TNKS: variants seen among roughly 807,000 people sequenced by gnomAD.
TNKS encodes tankyrase.
A neutral mutation model predicts 135.8 loss-of-function variants in TNKS; 72 were observed. The observed-to-expected ratio is 0.53, with a 90% CI of 0.44 to 0.64. The LOEUF is 0.64. Ranked by LOEUF, TNKS falls within the 30% of genes least tolerant of loss-of-function variation. The probability of loss-of-function intolerance (pLI) is 0.00; values close to 1 mark genes in which losing one functional copy is unlikely to be tolerated. For missense variants in TNKS, 1,769 were observed against 1,674.0 expected (o/e 1.06, Z -0.99); for synonymous variants, 849 against 649.3 (o/e 1.31, Z -4.68).
chr8:9,593,121 G>T (rs1008196974), intron 2 of TNKS, among the ~76,000 whole-genome samples: 1 of 152,146 alleles, frequency 6.6e-6, no homozygotes, highest in Non-Finnish European at 1.5e-5. Context: ...GAGGTAGGGA[G>T]GGATAAGAAA....
rs148724125 is a variant in TNKS, at chr8:9,615,539, T to G, written c.899-43T>G. On this transcript the variant is annotated intron_variant, in intron 2 of 26. Coordinates refer to ENST00000310430, the MANE Select transcript of TNKS (RefSeq NM_003747.3). ...ACGACACTTACCAGTAAATAATCTC[T>G]GTATCCCCGAGGTAAGATACTGTTT... The G allele has an allele frequency of 9.9e-6, 15 of 1,521,564 alleles. No individual in the cohort carries two copies. The East Asian group carries it at 3.5e-4, about 35-fold the overall frequency. 94.3% of individuals were successfully genotyped at this position (1,521,564 alleles called of 1,614,324 possible).
chr8:9,658,952 A>G (rs1801561817), intron 3 of TNKS, among the ~76,000 whole-genome samples: 1 of 152,242 alleles, frequency 6.6e-6, no homozygotes, highest in Non-Finnish European at 1.5e-5. Flanking sequence ...TGGATAAAAC[A>G]GACTTTAAAC....
At chr8:9,653,195 C>T (rs571839590) in intron 3 of TNKS, among the ~76,000 whole-genome samples, 1 of 152,284 alleles carries the variant, frequency 6.6e-6, no homozygotes, top group East Asian at 1.9e-4. Flanking sequence ...TTTAAACATG[C>T]ATGAATCAAA....
intron 20 of TNKS, among the ~76,000 whole-genome samples, chr8:9,760,522 T>A (rs542024921): frequency 6.6e-6 from 1 of 152,338 alleles, no homozygotes; most frequent in South Asian, 2.1e-4. Context: ...GGAAACTGCA[T>A]GTCTATAAAA....
At chr8:9,662,368 G>A (rs1452882937) in intron 3 of TNKS, among the ~76,000 whole-genome samples, 1 of 152,174 alleles carries the variant, frequency 6.6e-6, no homozygotes, top group Non-Finnish European at 1.5e-5. Context: ...ACGATAGACT[G>A]GATTAAGAAA....
At position 9,680,747 on chromosome 8, in the gene TNKS, A is replaced by G; in HGVS notation, c.1054A>G (p.Met352Val). The G allele has an allele frequency of 6.2e-7, 1 of 1,612,488 alleles. No individual in the cohort carries two copies. The highest frequency in any genetic ancestry group is 8.5e-7 in the Non-Finnish European group (1 of 1,179,022). Residue 352 changes from methionine (M) to valine (V), a missense_variant, in exon 5 of 27, where the codon ATG becomes GTG. This residue lies in a region of TNKS where 523 missense variants were observed against 541.0 expected (regional missense o/e 0.97). Transcript: ENST00000310430. ...TAGGAGTGGTAATGAAGAAAAACTA[A>G]TGGCTTTACTGACTCCTCTAAATGT... ...AARSGNEEKLMALLTPLNVNC... is the reference protein window; with the variant it reads ...AARSGNEEKLVALLTPLNVNC...
chr8:9,748,012 C>T lies in TNKS; in HGVS notation c.2644-12C>T. The T allele has an allele frequency of 1.9e-6, 3 of 1,593,764 alleles. No homozygotes were observed. Among genetic ancestry groups the T allele is most frequent in the Non-Finnish European group, 2.6e-6 (3 of 1,168,910 alleles). On this transcript the variant is annotated splice_polypyrimidine_tract_variant and intron_variant, in intron 17 of 26. Transcript: ENST00000310430. ...CATTCTTAACTCTTTGTATCCTTTT[C>T]TTTTTTTTCAGCATGTTGACATAGC... is the stretch of plus-strand genomic sequence containing the variant.
intron 1 of TNKS, among the ~76,000 whole-genome samples, chr8:9,568,382 C>T (rs1174425369): frequency 1.3e-5 from 2 of 152,088 alleles, no homozygotes; most frequent in Non-Finnish European, 2.9e-5. Flanking sequence ...TGCAGTGTTT[C>T]TCAAACTTTT....
At chr8:9,714,692 C>G (rs1205759051) in intron 11 of TNKS, among the ~76,000 whole-genome samples, 1 of 152,120 alleles carries the variant, frequency 6.6e-6, no homozygotes, top group Non-Finnish European at 1.5e-5. Flanking sequence ...ATAAAAGCCA[C>G]TTATGAAGGA....
chr8:9,601,121 G>A (rs759882844), intron 2 of TNKS, among the ~76,000 whole-genome samples: 3 of 152,102 alleles, frequency 2.0e-5, no homozygotes. Context: ...ACACATATAT[G>A]TAATAAATAC....
intron 3 of TNKS, among the ~76,000 whole-genome samples, chr8:9,661,154 C>G (rs1435301823): frequency 6.6e-6 from 1 of 151,974 alleles, no homozygotes; most frequent in Non-Finnish European, 1.5e-5. Flanking sequence ...AATGGCCATA[C>G]TGCCCAAGGT....
At chr8:9,708,877 A>G (rs1260514191) in intron 9 of TNKS, among the ~76,000 whole-genome samples, 5 of 152,098 alleles carry the variant, frequency 3.3e-5, no homozygotes, top group Non-Finnish European at 1.5e-5. Flanking sequence ...AGATATTTGC[A>G]TTATCTTTTT....
chr8:9,735,514 A>G (rs1805653029), intron 17 of TNKS, 28 bp downstream of exon 17: 2 of 1,587,342 alleles, frequency 1.3e-6, no homozygotes, highest in Non-Finnish European at 1.7e-6. Context: ...AAAATCTAGA[A>G]AACTGACCGC....
At chr8:9,748,300 C>A in intron 18 of TNKS, 88 bp downstream of exon 18, 2 of 1,171,636 alleles carry the variant, frequency 1.7e-6, no homozygotes, top group South Asian at 6.2e-5. Flanking sequence ...TACTTTTAGT[C>A]GTGTTTATTT....
At chr8:9,615,290 C>T in intron 2 of TNKS, 1 of 220,680 alleles carries the variant, frequency 4.5e-6, no homozygotes, top group Non-Finnish European at 9.0e-6. Flanking sequence ...CATAGCTTCC[C>T]ATACTGCTGC....
chr8:9,756,294 C>G (rs1034571614), intron 20 of TNKS, among the ~76,000 whole-genome samples: 12 of 152,032 alleles, frequency 7.9e-5, no homozygotes, highest in African/African-American at 2.9e-4. Flanking sequence ...TAAGCCCAAG[C>G]AAGAGGACGT....
chr8:9,655,889 C>T (rs572062450), intron 3 of TNKS, among the ~76,000 whole-genome samples: 30 of 152,140 alleles, frequency 2.0e-4, no homozygotes, highest in South Asian at 8.3e-4. Context: ...CAAAGCTGGA[C>T]GGAGAATGGC....
chr8:9,706,882 T>C lies in TNKS; in HGVS notation c.1341T>C (p.Arg447=). The C allele has an allele frequency of 6.2e-7, 1 of 1,614,142 alleles. No individual in the cohort carries two copies. Among genetic ancestry groups the C allele is most frequent in the Non-Finnish European group, 8.5e-7 (1 of 1,179,994 alleles). The change falls in exon 8 of 27, where the codon CGT becomes CGC. Residue 447 remains arginine (R), a synonymous_variant. Transcript: ENST00000310430. ...TPLHEAASKN[R]VEVCSLLLSH... is the part of the protein sequence containing the mutation. ...TGCACGAGGCTGCTTCCAAGAACCG[T>C]GTAGAAGTCTGCTCTTTGTTACTTA...
intron 26 of TNKS, chr8:9,772,476 G>A: frequency 6.6e-6 from 3 of 452,544 alleles, no homozygotes; most frequent in East Asian, 7.0e-5. Flanking sequence ...TTGAAAGATT[G>A]TATTCTTCAA....
Sources: gnomAD v4.1 joint callset for allele counts (sites outside exome capture counted in the v4.1 genomes callset) on GRCh38, gnomAD v4.1.1 for gene constraint, gnomAD v4.1.1 regional missense constraint, MANE v1.5 for transcripts, NCBI Gene and HGNC (gene_info 2026-07-23, HGNC 2026-07-21) for gene names.